CACNA1B: variants seen among roughly 807,000 people sequenced by gnomAD.
CACNA1B encodes voltage-dependent N-type calcium channel subunit alpha-1B.
In CACNA1B, 70 loss-of-function variants were observed where a neutral mutation model predicts 247.2. That is an observed-to-expected ratio of 0.28 (90% CI 0.23 to 0.35). CACNA1B has a LOEUF of 0.35. CACNA1B is among the 10% of genes least tolerant of loss of function. CACNA1B has a pLI of 1.00. For missense variants in CACNA1B, 2,367 were observed against 3,197.4 expected (o/e 0.74, Z 6.26); for synonymous variants, 1,231 against 1,294.4 (o/e 0.95, Z 1.05).
At chr9:137,962,771 T>A (rs529437204) in intron 10 of CACNA1B, among the ~76,000 whole-genome samples, 73 of 152,206 alleles carry the variant, frequency 4.8e-4, no homozygotes, top group Non-Finnish European at 9.8e-4. Context: ...TCAGTTCTTT[T>A]GCATTTGCTG....
chr9:138,032,742 C>G, intron 20 of CACNA1B: 1 of 452,162 alleles, frequency 2.2e-6, no homozygotes. Flanking sequence ...GAGAAATCCA[C>G]TGTCATTCGA....
At chr9:138,043,730 C>G in intron 20 of CACNA1B, 44 bp from the exon 21 acceptor site, 1 of 1,611,338 alleles carries the variant, frequency 6.2e-7, no homozygotes, top group African/African-American at 1.3e-5. Context: ...ACGTGGGCTT[C>G]ATGTGCACTA....
In CACNA1B at chr9:138,120,634, C is replaced by A. The variant is rs867443236; in HGVS notation, c.6242C>A (p.Pro2081Gln). The change falls in exon 46 of 47, where the codon CCA becomes CAA. Residue 2081 changes from proline (P) to glutamine (Q), a missense_variant. Around this residue, in one of 12 missense-constraint regions of CACNA1B, gnomAD observed 773 missense variants for 779.4 expected, o/e 0.99. Transcript: ENST00000371372. The stretch of plus-strand genomic sequence containing the variant: ...ACTTCTTCTCTTCCCTGGCCAGCAC[C>A]AAGCAGTGCTGTGGGGCCGGGGCTG... ...PSLSADMDGAPSSAVGPGLPP... is the reference protein window; with the variant it reads ...PSLSADMDGAQSSAVGPGLPP... 3.3e-6 allele frequency: 5 copies of A among 1,497,546 alleles called. No individual in the cohort carries two copies. Among genetic ancestry groups the A allele is most frequent in the Non-Finnish European group, 4.4e-6 (5 of 1,128,554 alleles). The allele number at this position is 1,497,546 out of a possible 1,614,324, so 92.8% of individuals were successfully genotyped here. A position where few individuals can be genotyped will look rare whatever the true frequency, so the allele number is the denominator to read the frequency against.
At chr9:138,088,959 C>CAAAAAAAAAAAAAAAA (rs56112600) in intron 36 of CACNA1B, among the ~76,000 whole-genome samples, 2 of 61,396 alleles carry the variant, frequency 3.3e-5, no homozygotes, top group Non-Finnish European at 6.8e-5. Flanking sequence ...AACTCCGTCT[C>CAAAAAAAAAAAAAAAA]AAAAAAAAAA....
intron 34 of CACNA1B, among the ~76,000 whole-genome samples, chr9:138,074,331 G>C (rs529795492): frequency 1.2e-3 from 181 of 151,446 alleles, no homozygotes; most frequent in Non-Finnish European, 2.0e-3. Flanking sequence ...ACCTCTGCCT[G>C]CTAGGTTCAA....
In CACNA1B at chr9:137,973,857, T is replaced by C. The variant is rs1317989908; in HGVS notation, c.1544-2050T>C. The stretch of plus-strand genomic sequence containing the variant: ...GGATGTTGGAGGATTTCAGATCTCT[T>C]TCTCTGAAAGTTTTACCGTTTGCAT... On this transcript the variant is annotated intron_variant, in intron 11 of 46. Coordinates refer to ENST00000371372, the MANE Select transcript of CACNA1B (RefSeq NM_000718.4). This position sits in a 1 kb window ranked among gnomAD's most constrained non-coding sequence, Gnocchi z 4.1. 6.6e-6 allele frequency among the ~76,000 whole-genome samples: 1 copy of C among 152,202 alleles called. No individual in the cohort carries two copies. The highest frequency in any genetic ancestry group is 1.5e-5 in the Non-Finnish European group (1 of 68,024).
chr9:137,971,339 T>C lies in CACNA1B; in HGVS notation c.1334-44T>C, dbSNP rs780977449. 7.1e-7 allele frequency: 1 copy of C among 1,414,274 alleles called. No homozygotes were observed. Among genetic ancestry groups the C allele is most frequent in the Non-Finnish European group, 9.8e-7 (1 of 1,021,160 alleles). 87.6% of individuals were successfully genotyped at this position (1,414,274 alleles called of 1,614,324 possible). A position where few individuals can be genotyped will look rare whatever the true frequency, so the allele number is the denominator to read the frequency against. ...GGGGTCCACAGGTGGGGTAGGCGGG[T>C]GCCCATTGGTCCCCACATCCTCAGT... On this transcript the variant is annotated intron_variant, in intron 10 of 46. Transcript: ENST00000371372. The surrounding 1 kb of genome is among the most constrained non-coding windows in gnomAD (Gnocchi z 4.4).
In CACNA1B at chr9:137,893,919, CTACT is replaced by C. The variant is rs529121853; in HGVS notation, c.530+11040_530+11043del. ...TTCTATGGCTGCACCCACCTTCCTC[CTACT>C]TACCTCACCCACCTTCCCTTTACTC... On this transcript the variant is annotated intron_variant, in intron 3 of 46. Transcript: ENST00000371372. 3.3e-4 allele frequency among the ~76,000 whole-genome samples: 50 copies of C among 152,364 alleles called. No individual in the cohort carries two copies. In the East Asian group the frequency reaches 9.2e-3, roughly 28 times the overall value.
At position 138,078,170 on chromosome 9, in the gene CACNA1B, C is replaced by T. The variant is rs768663036; in HGVS notation, c.5006C>T (p.Ala1669Val). Residue 1669 changes from alanine (A) to valine (V), a missense_variant, in exon 36 of 47, where the codon GCC (alanine) becomes GTC (valine). Ala to Val is a moderately conservative substitution (Grantham distance 64). Coordinates refer to ENST00000371372, the MANE Select transcript of CACNA1B (RefSeq NM_000718.4). ...ATGCTGTCCTGCCTGAGCAACCAGG[C>T]CTGTGATGAGCAGGCCAATGCCACC... ...EIMLSCLSNQ[A>V]CDEQANATEC... 1 of 1,613,956 alleles carries T rather than the reference C, an allele frequency of 6.2e-7. No individual in the cohort carries two copies. The highest frequency in any genetic ancestry group is 8.5e-7 in the Non-Finnish European group (1 of 1,179,842).
chr9:138,022,206 G>A (rs561732537), intron 18 of CACNA1B, among the ~76,000 whole-genome samples: 14 of 152,192 alleles, frequency 9.2e-5, no homozygotes, highest in Non-Finnish European at 1.3e-4. Context: ...TTCTGGCTCT[G>A]CTCCCAGTAG....
chr9:138,044,235 C>A (rs1959166909), intron 21 of CACNA1B, among the ~76,000 whole-genome samples: 1 of 152,242 alleles, frequency 6.6e-6, no homozygotes, highest in Non-Finnish European at 1.5e-5. Context: ...ACACCTGGCA[C>A]CTGTGTTGCC....
rs777637166 is a variant in CACNA1B at position 137,899,843 on chromosome 9, C to G, written c.531-13337C>G. Among the ~76,000 whole-genome samples the G allele has an allele frequency of 6.6e-6, 1 of 152,170 alleles. No homozygotes were observed. The highest frequency in any genetic ancestry group is 2.4e-5 in the African/African-American group (1 of 41,440). On this transcript the variant is annotated intron_variant, in intron 3 of 46. Transcript: ENST00000371372. The surrounding 1 kb of genome is among the most constrained non-coding windows in gnomAD (Gnocchi z 5.0). ...CCACCTGCCCCGGCCCAGGGACCCC[C>G]GCACCTGTGCAGGATTTGTGGTCTC... is the stretch of plus-strand genomic sequence containing the variant.
At chr9:137,895,973 C>A (rs1033886500) in intron 3 of CACNA1B, among the ~76,000 whole-genome samples, 1 of 152,206 alleles carries the variant, frequency 6.6e-6, no homozygotes, top group South Asian at 2.1e-4. Context: ...GGCGTAGTGG[C>A]TCACGCCTGT....
chr9:138,039,546 A>T (rs1345911736), intron 20 of CACNA1B, among the ~76,000 whole-genome samples: 1 of 152,114 alleles, frequency 6.6e-6, no homozygotes, highest in Non-Finnish European at 1.5e-5. Flanking sequence ...ACCATCTGTG[A>T]ATATATCATT....
Position 138,002,903 on chromosome 9 carries a change from C to T in CACNA1B, c.1975-3864C>T, listed in dbSNP as rs148099601. Reference sequence around the variant, plus strand: ...GTAACCTCCGCCTCCCGGGTTCAAGCGATTTTTCTGCCTCAGCCTCCCGAA... The same window carrying T: ...GTAACCTCCGCCTCCCGGGTTCAAGTGATTTTTCTGCCTCAGCCTCCCGAA... On this transcript the variant is annotated intron_variant, in intron 15 of 46. Transcript: ENST00000371372. 1.4e-3 allele frequency among the ~76,000 whole-genome samples: 211 copies of T among 151,500 alleles called. 1 individual carries two copies. The highest frequency in any genetic ancestry group is 4.6e-3 in the African/African-American group (188 of 41,314).
At chr9:138,049,370 C>T (rs1044196856) in intron 24 of CACNA1B, 55 bp downstream of exon 24, 38 of 1,138,920 alleles carry the variant, frequency 3.3e-5, no homozygotes, top group Non-Finnish European at 4.5e-5. Context: ...TCACGATGGG[C>T]GTGAGGGTGA....
Position 137,917,544 on chromosome 9 carries a change from T to C in CACNA1B, c.966+113T>C. The C allele has an allele frequency of 1.1e-6, 1 of 900,314 alleles. No individual in the cohort carries two copies. The highest frequency in any genetic ancestry group is 2.5e-5 in the Admixed American group (1 of 40,264). The allele number at this position is 900,314 out of a possible 1,614,324, so 55.8% of individuals were successfully genotyped here. On this transcript the variant is annotated intron_variant, in intron 6 of 46. Transcript: ENST00000371372. The surrounding 1 kb of genome is among the most constrained non-coding windows in gnomAD (Gnocchi z 5.5). ...TGACCTCAGAGCCTCTGCCCAGCCC[T>C]AGGCTCCTCCCTGCACCCCTAGGAT...
In CACNA1B at chr9:138,058,260, C is replaced by T. The variant is rs144980930; in HGVS notation, c.4308+10C>T. On this transcript the variant is annotated intron_variant, in intron 28 of 46. Coordinates refer to ENST00000371372, the MANE Select transcript of CACNA1B (RefSeq NM_000718.4). This position sits in a 1 kb window ranked among gnomAD's most constrained non-coding sequence, Gnocchi z 4.7. ...CCTGGAGAAGAACGAGGTAGGTGGA[C>T]GCTCTGTGGAGTCTTGCAGTGGACA... is the stretch of plus-strand genomic sequence containing the variant. The T allele has an allele frequency of 1.7e-3, 2,703 of 1,606,826 alleles. 5 individuals are homozygous for T. Among genetic ancestry groups the T allele is most frequent in the East Asian group, 7.3e-3 (326 of 44,840 alleles).
chr9:138,016,151 ATCTCACACAT>A (rs1958789581), intron 18 of CACNA1B, among the ~76,000 whole-genome samples: 3 of 151,982 alleles, frequency 2.0e-5, no homozygotes, highest in Admixed American at 6.6e-5. Flanking sequence ...TACACACATA[ATCTCACACAT>A]TCACACACAG....
Sources: allele counts gnomAD v4.1 joint callset (sites outside exome capture counted in the v4.1 genomes callset), GRCh38; gene constraint gnomAD v4.1.1; regional missense constraint gnomAD v4.1.1; non-coding constraint Gnocchi (gnomAD v3.1); transcripts MANE v1.5; gene names NCBI Gene and HGNC (gene_info 2026-07-23, HGNC 2026-07-21).